Variants in KCNH1 observed in about 807,000 individuals in gnomAD.
The protein encoded by KCNH1 is voltage-gated delayed rectifier potassium channel KCNH1.
A neutral mutation model predicts 69.2 loss-of-function variants in KCNH1; 27 were observed. The ratio of observed to expected loss-of-function variants is 0.39; its 90% CI spans 0.29 to 0.54. KCNH1 has a LOEUF of 0.54. Among genes scored for constraint, KCNH1 ranks in the 20% least tolerant of loss-of-function variants. KCNH1 has a pLI of 0.68. For synonymous variants in KCNH1, 456 were observed against 487.7 expected, an observed-to-expected ratio of 0.93 and a Z score of 0.86; for missense variants, 798 against 1,261.6, an observed-to-expected ratio of 0.63 and a Z score of 5.57.
At chr1:210,994,270 C>T (rs1255156723) in intron 6 of KCNH1, among the ~76,000 whole-genome samples, 2 of 152,100 alleles carry the variant, frequency 1.3e-5, no homozygotes, top group Admixed American at 1.3e-4. Context: ...GATCTTGATT[C>T]ACCCATTCAT....
At chr1:210,870,585 G>A (rs2102494152) in intron 7 of KCNH1, among the ~76,000 whole-genome samples, 1 of 152,208 alleles carries the variant, frequency 6.6e-6, no homozygotes, top group East Asian at 1.9e-4. Flanking sequence ...TTTCATTAAT[G>A]TTCTTATCCT....
At chr1:210,996,093 G>T (rs1014171400) in intron 6 of KCNH1, among the ~76,000 whole-genome samples, 1 of 152,170 alleles carries the variant, frequency 6.6e-6, no homozygotes, top group African/African-American at 2.4e-5. Context: ...ATTTCCATCT[G>T]AGGTACTGTG....
chr1:210,885,727 C>G (rs1464028717), intron 7 of KCNH1, among the ~76,000 whole-genome samples: 4 of 152,156 alleles, frequency 2.6e-5, no homozygotes, highest in Non-Finnish European at 4.4e-5. Context: ...TCCACCATTA[C>G]TGAGCCTTGA....
Position 210,964,896 on chromosome 1 carries a change from C to A in KCNH1, c.1033-44827G>T, listed in dbSNP as rs141556391. ...AATCCAGCAGCACATCAAAAAGCTT[C>A]TCCACCATGATCAAGTCAGCTTCAT... is the stretch of plus-strand genomic sequence containing the variant. On this transcript the variant is annotated intron_variant, in intron 6 of 10. Transcript: ENST00000271751. Among the ~76,000 whole-genome samples the A allele has an allele frequency of 6.2e-3, 948 of 152,120 alleles. 6 individuals carry two copies. The highest frequency in any genetic ancestry group is 0.014 in the Middle Eastern group (4 of 294).
intron 6 of KCNH1, among the ~76,000 whole-genome samples, chr1:210,959,881 G>A (rs750074234): frequency 5.3e-5 from 8 of 152,174 alleles, no homozygotes; most frequent in African/African-American, 1.4e-4. Context: ...GCAATGCCCC[G>A]CCCTGCTTCA....
intron 7 of KCNH1, among the ~76,000 whole-genome samples, chr1:210,910,093 A>T (rs886897211): frequency 2.0e-5 from 3 of 152,072 alleles, no homozygotes; most frequent in Admixed American, 1.3e-4. Context: ...GCACCAAAAA[A>T]AAATTTCATC....
intron 7 of KCNH1, among the ~76,000 whole-genome samples, chr1:210,897,430 A>T (rs1303901809): frequency 6.6e-6 from 1 of 152,130 alleles, no homozygotes; most frequent in Non-Finnish European, 1.5e-5. Context: ...CTTACATAGG[A>T]TCTACTTTAG....
intron 7 of KCNH1, among the ~76,000 whole-genome samples, chr1:210,914,152 C>T (rs1052943829): frequency 9.9e-5 from 15 of 152,116 alleles, no homozygotes; most frequent in African/African-American, 3.6e-4. Flanking sequence ...AACAGCAGAA[C>T]CCATATCCTA....
At chr1:210,987,374 T>C (rs1435723695) in intron 6 of KCNH1, among the ~76,000 whole-genome samples, 1 of 152,182 alleles carries the variant, frequency 6.6e-6, no homozygotes, top group Non-Finnish European at 1.5e-5. Context: ...TTTTAGAGTT[T>C]CCAGTTTTTC....
intron 6 of KCNH1, among the ~76,000 whole-genome samples, chr1:211,017,344 G>C (rs1689510684): frequency 6.6e-6 from 1 of 152,168 alleles, no homozygotes; most frequent in South Asian, 2.1e-4. Flanking sequence ...ATCCCGGCAG[G>C]GAGCAAGCTG....
chr1:210,743,815 C>T (rs140020194), intron 10 of KCNH1, among the ~76,000 whole-genome samples: 2 of 152,334 alleles, frequency 1.3e-5, no homozygotes, highest in African/African-American at 4.8e-5. Context: ...GTTAGCAGAG[C>T]TGTCCCATAA....
At chr1:210,965,068 G>A (rs1688372610) in intron 6 of KCNH1, among the ~76,000 whole-genome samples, 1 of 152,048 alleles carries the variant, frequency 6.6e-6, no homozygotes, top group Non-Finnish European at 1.5e-5. Context: ...CTAAAAAACT[G>A]TCAGTCAACT....
At chr1:210,974,840 G>A (rs1313382006) in intron 6 of KCNH1, among the ~76,000 whole-genome samples, 1 of 152,028 alleles carries the variant, frequency 6.6e-6, no homozygotes, top group Non-Finnish European at 1.5e-5. Context: ...AGGATTACAG[G>A]TGTGAGCCAC....
chr1:210,996,364 G>C (rs887053763), intron 6 of KCNH1, among the ~76,000 whole-genome samples: 1 of 152,196 alleles, frequency 6.6e-6, no homozygotes, highest in Admixed American at 6.5e-5. Context: ...AGGGTCCTAC[G>C]CCCATGGAGT....
chr1:210,740,319 A>G (rs1039562798), intron 10 of KCNH1, among the ~76,000 whole-genome samples: 1 of 152,218 alleles, frequency 6.6e-6, no homozygotes, highest in African/African-American at 2.4e-5. Flanking sequence ...TCTCCGATAA[A>G]GCTCTTTTCA....
Position 210,985,660 on chromosome 1 carries a change from A to G in KCNH1, c.1032+33123T>C, listed in dbSNP as rs555219288. On this transcript the variant is annotated intron_variant, in intron 6 of 10. Coordinates refer to ENST00000271751, the MANE Select transcript of KCNH1 (RefSeq NM_172362.3). The stretch of plus-strand genomic sequence containing the variant: ...GTGGTCTGGGAGAGAGTTTGTTATA[A>G]TTTCTGTTCTTTTACATTTGCTGAG... Among the ~76,000 whole-genome samples, 3 of 152,178 alleles carry G rather than the reference A, an allele frequency of 2.0e-5. No homozygotes were observed. The East Asian group carries it at 5.8e-4, about 29-fold the overall frequency.
At chr1:210,746,279 TCTCATG>T (rs1341432181) in intron 10 of KCNH1, among the ~76,000 whole-genome samples, 1 of 152,178 alleles carries the variant, frequency 6.6e-6, no homozygotes, top group Non-Finnish European at 1.5e-5. Flanking sequence ...AAAAACTACC[TCTCATG>T]CTCTTAGGTG....
intron 10 of KCNH1, among the ~76,000 whole-genome samples, chr1:210,713,932 G>A (rs1682146011): frequency 6.6e-6 from 1 of 152,136 alleles, no homozygotes; most frequent in Admixed American, 6.5e-5. Flanking sequence ...CTGTGTCCTG[G>A]GAGCCTAGGG....
At chr1:210,772,510 C>CT (rs35948855) in intron 10 of KCNH1, among the ~76,000 whole-genome samples, 3,945 of 143,730 alleles carry the variant, frequency 0.027, 160 homozygotes, top group African/African-American at 0.089. Context: ...TGACAAGCCT[C>CT]TTTTTTTTTT....
Sources: gnomAD v4.1 joint callset for allele counts (sites outside exome capture counted in the v4.1 genomes callset) on GRCh38, gnomAD v4.1.1 for gene constraint, MANE v1.5 for transcripts, NCBI Gene and HGNC (gene_info 2026-07-23, HGNC 2026-07-21) for gene names.